The following NRG3 variants were observed in gnomAD, a reference collection of about 807,000 sequenced individuals.
NRG3 encodes pro-neuregulin-3, membrane-bound isoform.
In NRG3, 31 loss-of-function variants were observed where a neutral mutation model predicts 66.9. The observed-to-expected ratio is 0.46, with a 90% CI of 0.35 to 0.63. The LOEUF (loss-of-function observed/expected upper bound fraction) is 0.63, where lower values mean the gene tolerates loss of function less well. NRG3 is among the 20% of genes least tolerant of loss of function. The pLI is 0.00. For missense variants in NRG3, 910 were observed against 878.9 expected (o/e 1.04, Z -0.45); for synonymous variants, 393 against 359.4 (o/e 1.09, Z -1.06).
At position 81,924,844 on chromosome 10, in the gene NRG3, G is replaced by A. The variant is rs191551864; in HGVS notation, c.823+48681G>A. ...TGTTGTTTAATTGAGTGGATTTCCT[G>A]TTTGATAATTACTATTCTGTAGTTC... On this transcript the variant is annotated intron_variant, in intron 1 of 8. Coordinates refer to ENST00000372141, the MANE Select transcript of NRG3 (RefSeq NM_001010848.4). 3.9e-5 allele frequency among the ~76,000 whole-genome samples: 6 copies of A among 152,004 alleles called. No homozygotes were observed. In the East Asian group the frequency reaches 7.7e-4, roughly 19 times the overall value.
intron 2 of NRG3, among the ~76,000 whole-genome samples, chr10:82,460,807 G>A (rs934309340): frequency 3.9e-5 from 6 of 152,116 alleles, no homozygotes; most frequent in African/African-American, 1.4e-4. Flanking sequence ...AGTGTGAGGA[G>A]CACCTCCCCA....
chr10:82,213,618 A>T (rs1186594006), intron 1 of NRG3, among the ~76,000 whole-genome samples: 1 of 152,200 alleles, frequency 6.6e-6, no homozygotes, highest in Non-Finnish European at 1.5e-5. Context: ...GCACTTGCTA[A>T]TCTATAATAT....
At chr10:82,159,766 T>C (rs1284066723) in intron 1 of NRG3, among the ~76,000 whole-genome samples, 1 of 151,750 alleles carries the variant, frequency 6.6e-6, no homozygotes, top group Non-Finnish European at 1.5e-5. Context: ...TCAAGGAAGG[T>C]AAATGTCCTG....
chr10:82,141,965 A>G (rs1283095828), intron 1 of NRG3, among the ~76,000 whole-genome samples: 2 of 152,282 alleles, frequency 1.3e-5, no homozygotes, highest in East Asian at 3.9e-4. Context: ...CACCCAGCCA[A>G]AGGTTCTCAC....
intron 4 of NRG3, among the ~76,000 whole-genome samples, chr10:82,899,528 CT>C (rs1844004254): frequency 6.6e-6 from 1 of 152,140 alleles, no homozygotes; most frequent in African/African-American, 2.4e-5. Flanking sequence ...TGTGTTTTAA[CT>C]TTTTCCTACC....
intron 1 of NRG3, among the ~76,000 whole-genome samples, chr10:82,019,627 T>C (rs2061965629): frequency 6.6e-6 from 1 of 152,150 alleles, no homozygotes; most frequent in Admixed American, 6.6e-5. Context: ...CTGTTATTGG[T>C]TTATTAAGAG....
At chr10:82,089,770 A>T (rs569212247) in intron 1 of NRG3, among the ~76,000 whole-genome samples, 3 of 152,366 alleles carry the variant, frequency 2.0e-5, no homozygotes, top group East Asian at 3.9e-4. Flanking sequence ...AAAGTTGAAG[A>T]TGTGTAGATT....
chr10:82,973,777 A>G lies in NRG3; in HGVS notation c.1285-11A>G. 6.2e-7 allele frequency: 1 copy of G among 1,613,906 alleles called. No individual in the cohort carries two copies. Among genetic ancestry groups the G allele is most frequent in the Non-Finnish European group, 8.5e-7 (1 of 1,179,816 alleles). On this transcript the variant is annotated splice_polypyrimidine_tract_variant and intron_variant, in intron 6 of 8. Coordinates refer to ENST00000372141, the MANE Select transcript of NRG3 (RefSeq NM_001010848.4). The stretch of plus-strand genomic sequence containing the variant: ...CCTTCGTCTCAACTCTGTACGTGTG[A>G]TTTCCCACAGTATTCAAAGGTGGAA...
At chr10:81,964,504 T>C (rs1160627793) in intron 1 of NRG3, among the ~76,000 whole-genome samples, 1 of 151,962 alleles carries the variant, frequency 6.6e-6, no homozygotes, top group African/African-American at 2.4e-5. Context: ...TGAATTTAAC[T>C]CTTCCCCTAC....
intron 2 of NRG3, among the ~76,000 whole-genome samples, chr10:82,450,986 G>C (rs1043908001): frequency 1.3e-5 from 2 of 152,066 alleles, no homozygotes; most frequent in African/African-American, 4.8e-5. Context: ...TAAATTAAAA[G>C]CCTTATCATC....
chr10:82,829,148 A>G (rs890457838), intron 3 of NRG3, among the ~76,000 whole-genome samples: 4 of 152,062 alleles, frequency 2.6e-5, no homozygotes, highest in Non-Finnish European at 4.4e-5. Context: ...ATAGTTCCTC[A>G]ATGGCCTATA....
chr10:81,879,708 A>C (rs1356842427), intron 1 of NRG3, among the ~76,000 whole-genome samples: 1 of 152,242 alleles, frequency 6.6e-6, no homozygotes, highest in Non-Finnish European at 1.5e-5. Context: ...TAATTTAATC[A>C]TGTCTATTTC....
chr10:82,324,238 A>T (rs2081742470), intron 1 of NRG3, among the ~76,000 whole-genome samples: 1 of 152,138 alleles, frequency 6.6e-6, no homozygotes, highest in Non-Finnish European at 1.5e-5. Context: ...TCTTATTTTT[A>T]AAAATACCTC....
intron 1 of NRG3, among the ~76,000 whole-genome samples, chr10:82,040,216 C>T (rs4415699): frequency 0.64 from 96,667 of 151,892 alleles, 32,344 homozygotes; most frequent in South Asian, 0.87. Flanking sequence ...GCACTAAATT[C>T]CACCACCGTC....
chr10:82,417,351 C>T (rs766808393), intron 2 of NRG3, among the ~76,000 whole-genome samples: 2 of 152,036 alleles, frequency 1.3e-5, no homozygotes, highest in Middle Eastern at 3.2e-3. Context: ...AATAGTATTC[C>T]AGGCAAAATA....
chr10:82,347,549 T>G (rs985678829), intron 1 of NRG3, among the ~76,000 whole-genome samples: 1 of 151,016 alleles, frequency 6.6e-6, no homozygotes, highest in African/African-American at 2.4e-5. Context: ...TTCTGTTGAT[T>G]TGGGGTGGAG....
intron 1 of NRG3, among the ~76,000 whole-genome samples, chr10:81,932,573 A>G (rs1310620293): frequency 6.6e-6 from 1 of 152,210 alleles, no homozygotes; most frequent in Non-Finnish European, 1.5e-5. Flanking sequence ...CTCCAAAGCG[A>G]TATTTACTCA....
intron 1 of NRG3, among the ~76,000 whole-genome samples, chr10:82,033,968 GT>G (rs1360817402): frequency 2.6e-5 from 4 of 152,130 alleles, no homozygotes; most frequent in African/African-American, 9.6e-5. Flanking sequence ...AAAGTGGAAA[GT>G]TTTGCATAAG....
In NRG3 at chr10:82,843,520, A is replaced by G. The variant is rs545423255; in HGVS notation, c.1028-21891A>G. On this transcript the variant is annotated intron_variant, in intron 3 of 8. Coordinates refer to ENST00000372141, the MANE Select transcript of NRG3 (RefSeq NM_001010848.4). Reference sequence around the variant, plus strand: ...TACAAAACAGACTAATACAGTAATGAAAAAGGAAAATGCCAACATAAAATC... The same window carrying G: ...TACAAAACAGACTAATACAGTAATGGAAAAGGAAAATGCCAACATAAAATC... Among the ~76,000 whole-genome samples, 73 of 152,334 alleles carry G rather than the reference A, an allele frequency of 4.8e-4. 1 individual carries two copies. The highest frequency in any genetic ancestry group is 1.0e-3 in the Non-Finnish European group (69 of 68,024).
Sources: allele counts gnomAD v4.1 joint callset (sites outside exome capture counted in the v4.1 genomes callset), GRCh38; gene constraint gnomAD v4.1.1; transcripts MANE v1.5; gene names NCBI Gene and HGNC (gene_info 2026-07-23, HGNC 2026-07-21).